Variants in TDG observed in about 807,000 individuals in gnomAD.
TDG encodes the protein thymine DNA glycosylase, also known as G/T mismatch-specific thymine DNA glycosylase.
TDG carries 23 observed loss-of-function variants against 46.1 expected under a neutral mutation model. The observed-to-expected ratio is 0.50, with a 90% CI of 0.36 to 0.71. The LOEUF (loss-of-function observed/expected upper bound fraction) is 0.71. Ranked by LOEUF, TDG falls within the 30% of genes least tolerant of loss-of-function variation. The probability of loss-of-function intolerance (pLI) is 0.00; values close to 1 mark genes in which losing one functional copy is unlikely to be tolerated. For synonymous variants in TDG, 115 were observed against 161.3 expected, an observed-to-expected ratio of 0.71 and a Z score of 2.18; for missense variants, 304 against 486.7, an observed-to-expected ratio of 0.62 and a Z score of 3.53.
At chr12:103,975,023 C>T (rs898026006) in intron 1 of TDG, among the ~76,000 whole-genome samples, 26 of 150,538 alleles carry the variant, frequency 1.7e-4, no homozygotes, top group African/African-American at 6.3e-4. Context: ...TGACTTTCCT[C>T]TCCAAATAGT....
chr12:103,978,419 G>A (rs778162423), intron 2 of TDG, among the ~76,000 whole-genome samples: 55 of 152,186 alleles, frequency 3.6e-4, no homozygotes, highest in Non-Finnish European at 7.1e-4. Flanking sequence ...ATTTTCTCCA[G>A]TGTAACAGTA....
intron 1 of TDG, among the ~76,000 whole-genome samples, chr12:103,973,613 A>G (rs2700519): frequency 6.6e-6 from 1 of 152,222 alleles, no homozygotes; most frequent in Non-Finnish European, 1.5e-5. Flanking sequence ...ATGAATGTTG[A>G]ACAACCAATA....
At chr12:103,979,643 G>C (rs1246801920) in intron 2 of TDG, among the ~76,000 whole-genome samples, 188 bp from the exon 3 acceptor site, 1 of 152,218 alleles carries the variant, frequency 6.6e-6, no homozygotes. Flanking sequence ...GGCATGGGGG[G>C]TTGCACGAAC....
chr12:103,979,194 T>G (rs1566181202), intron 2 of TDG, among the ~76,000 whole-genome samples: 1 of 144,828 alleles, frequency 6.9e-6, no homozygotes, highest in Admixed American at 7.4e-5. Flanking sequence ...CCTCCACCTC[T>G]TGGGTTCAAG....
intron 1 of TDG, among the ~76,000 whole-genome samples, chr12:103,970,055 C>G (rs1215111678): frequency 2.0e-5 from 3 of 152,110 alleles, no homozygotes; most frequent in African/African-American, 7.2e-5. Flanking sequence ...ATGGTGCTAT[C>G]GCATCATAAT....
chr12:103,976,444 GA>G (rs1297898177), intron 1 of TDG, among the ~76,000 whole-genome samples: 1 of 143,316 alleles, frequency 7.0e-6, no homozygotes, highest in Non-Finnish European at 1.5e-5. Context: ...ACAAACTAAT[GA>G]AAAAATAAGT....
chr12:103,972,107 T>A (rs1871310739), intron 1 of TDG, among the ~76,000 whole-genome samples: 1 of 152,116 alleles, frequency 6.6e-6, no homozygotes. Flanking sequence ...TAATAGAAGA[T>A]AAAATTATCC....
chr12:103,982,631 G>T (rs964484928), intron 4 of TDG, among the ~76,000 whole-genome samples, 168 bp from the exon 5 acceptor site: 1 of 152,022 alleles, frequency 6.6e-6, no homozygotes, highest in Non-Finnish European at 1.5e-5. Context: ...TGGGCGTGGT[G>T]GTGTGCATCT....
intron 1 of TDG, among the ~76,000 whole-genome samples, chr12:103,974,839 GGT>G (rs1157931221): frequency 9.2e-5 from 14 of 152,024 alleles, no homozygotes; most frequent in Admixed American, 8.5e-4. Flanking sequence ...TGGGTGTGGT[GGT>G]GGGGGCGCCT....
chr12:103,980,974 C>T lies in TDG; in HGVS notation c.478+12C>T. On this transcript the variant is annotated intron_variant, in intron 4 of 9. Transcript: ENST00000392872. ...TGGAAACCATTTTTGTAAGTGGTTA[C>T]CTTTTAAATTAATTTACTTTTAAAT... 1 of 1,602,272 alleles carries T rather than the reference C, an allele frequency of 6.2e-7. No individual in the cohort carries two copies. Among genetic ancestry groups the T allele is most frequent in the Non-Finnish European group, 8.5e-7 (1 of 1,176,334 alleles).
intron 4 of TDG, among the ~76,000 whole-genome samples, chr12:103,981,489 C>T (rs1044812319): frequency 2.0e-5 from 3 of 151,970 alleles, no homozygotes; most frequent in Admixed American, 1.3e-4. Context: ...CCCACCTCAG[C>T]CTCCCAAAGT....
chr12:103,968,435 A>T (rs1003474617), intron 1 of TDG, among the ~76,000 whole-genome samples: 31 of 152,338 alleles, frequency 2.0e-4, no homozygotes, highest in African/African-American at 7.0e-4. Context: ...AAGAATAAAA[A>T]AGATTTGGGT....
intron 1 of TDG, among the ~76,000 whole-genome samples, chr12:103,971,352 A>T (rs1380907785): frequency 6.6e-6 from 1 of 152,242 alleles, no homozygotes; most frequent in Non-Finnish European, 1.5e-5. Flanking sequence ...TCGTGAGGTC[A>T]GGAGTTTGAC....
intron 8 of TDG, among the ~76,000 whole-genome samples, chr12:103,985,177 AC>A (rs1452047716): frequency 7.3e-5 from 7 of 96,438 alleles, no homozygotes; most frequent in Admixed American, 3.5e-4. Flanking sequence ...ACACACACAC[AC>A]ACACACACAC....
At chr12:103,981,226 CTTTTTT>C (rs11314473) in intron 4 of TDG, among the ~76,000 whole-genome samples, 6 of 69,418 alleles carry the variant, frequency 8.6e-5, no homozygotes, top group East Asian at 1.1e-3. Flanking sequence ...AGTTGTACTA[CTTTTTT>C]TTTTTTTTTT....
chr12:103,965,879 T>G lies in TDG; in HGVS notation c.-159T>G. 2 of 1,190,942 alleles carry G rather than the reference T, an allele frequency of 1.7e-6. No homozygotes were observed. The highest frequency in any genetic ancestry group is 3.0e-5 in the African/African-American group (2 of 67,070). 73.8% of individuals were successfully genotyped at this position (1,190,942 alleles called of 1,614,324 possible). On this transcript the variant is annotated 5_prime_UTR_variant, in exon 1 of 10. Coordinates refer to ENST00000392872, the MANE Select transcript of TDG (RefSeq NM_003211.6). ...GGGTCCGTGGGGGACGGTAGAAGCC[T>G]GGAGGAGGAGCTTGAGTCCAGCCAC...
At chr12:103,971,508 A>G (rs1871281365) in intron 1 of TDG, among the ~76,000 whole-genome samples, 1 of 152,198 alleles carries the variant, frequency 6.6e-6, no homozygotes, top group Non-Finnish European at 1.5e-5. Flanking sequence ...GTGAGCCGAG[A>G]TCATGCCATT....
intron 1 of TDG, among the ~76,000 whole-genome samples, chr12:103,974,186 T>C (rs2136234590): frequency 6.6e-6 from 1 of 151,200 alleles, no homozygotes; most frequent in Non-Finnish European, 1.5e-5. Context: ...TAGTTTGCCT[T>C]TTTTTTTTCC....
At chr12:103,980,853 T>C in intron 3 of TDG, 40 bp from the exon 4 acceptor site, 1 of 1,596,108 alleles carries the variant, frequency 6.3e-7, no homozygotes, top group Non-Finnish European at 8.5e-7. Context: ...GCTTAGGTCC[T>C]GCTTTTTAAG....
Sources: gnomAD v4.1 joint callset for allele counts (sites outside exome capture counted in the v4.1 genomes callset) on GRCh38, gnomAD v4.1.1 for gene constraint, MANE v1.5 for transcripts, NCBI Gene and HGNC (gene_info 2026-07-23, HGNC 2026-07-21) for gene names.